The following IGSF21 variants were observed in gnomAD, a reference collection of about 807,000 sequenced individuals.
IGSF21 encodes immunoglobulin superfamily member 21.
Under a neutral mutation model 46.8 loss-of-function variants are expected in IGSF21, and 28 were observed. The ratio of observed to expected loss-of-function variants is 0.60; its 90% CI spans 0.44 to 0.82. The LOEUF (loss-of-function observed/expected upper bound fraction) is 0.82. Ranked by LOEUF, IGSF21 falls within the 40% of genes least tolerant of loss-of-function variation. IGSF21 has a pLI of 0.00. For missense variants in IGSF21, 624 were observed against 665.5 expected (o/e 0.94, Z 0.69); for synonymous variants, 284 against 273.6 (o/e 1.04, Z -0.38).
At chr1:18,361,047 G>A (rs2086095084) in intron 4 of IGSF21, among the ~76,000 whole-genome samples, 1 of 152,132 alleles carries the variant, frequency 6.6e-6, no homozygotes, top group South Asian at 2.1e-4. Flanking sequence ...GGTTGAGTGG[G>A]TGGGAGGGGT....
intron 1 of IGSF21, among the ~76,000 whole-genome samples, chr1:18,130,114 C>T (rs2086304960): frequency 6.6e-6 from 1 of 152,180 alleles, no homozygotes; most frequent in Non-Finnish European, 1.5e-5. Flanking sequence ...CTTGGTCCTA[C>T]CTCTGAGTGA....
intron 1 of IGSF21, among the ~76,000 whole-genome samples, chr1:18,188,141 G>C (rs1045143220): frequency 6.6e-6 from 1 of 152,122 alleles, no homozygotes; most frequent in Non-Finnish European, 1.5e-5. Flanking sequence ...CAAAGTTGTG[G>C]CTTGCTAGGA....
At chr1:18,180,743 A>G (rs959780658) in intron 1 of IGSF21, among the ~76,000 whole-genome samples, 3 of 152,208 alleles carry the variant, frequency 2.0e-5, no homozygotes, top group Admixed American at 6.5e-5. Flanking sequence ...GCACTGTTCT[A>G]TGCATTTTAC....
intron 1 of IGSF21, among the ~76,000 whole-genome samples, chr1:18,169,998 G>T (rs1200039330): frequency 6.6e-6 from 1 of 152,140 alleles, no homozygotes; most frequent in Non-Finnish European, 1.5e-5. Flanking sequence ...GGCCATGAAG[G>T]CCACAGATCT....
chr1:18,146,129 C>T (rs1245122721), intron 1 of IGSF21, among the ~76,000 whole-genome samples: 1 of 152,136 alleles, frequency 6.6e-6, no homozygotes, highest in Non-Finnish European at 1.5e-5. Flanking sequence ...GGATTAAGTG[C>T]CATACTGTAA....
intron 1 of IGSF21, among the ~76,000 whole-genome samples, chr1:18,215,612 G>A (rs1443946560): frequency 6.6e-6 from 1 of 152,200 alleles, no homozygotes; most frequent in Non-Finnish European, 1.5e-5. Context: ...AACGGCAGGT[G>A]CATAGACCCA....
At chr1:18,245,458 G>C (rs1194156666) in intron 2 of IGSF21, among the ~76,000 whole-genome samples, 1 of 152,082 alleles carries the variant, frequency 6.6e-6, no homozygotes, top group Non-Finnish European at 1.5e-5. Context: ...TATTATAAAT[G>C]GGATCTTTTT....
In IGSF21 at chr1:18,288,536, A is replaced by G. The variant is rs183741309; in HGVS notation, c.184-3330A>G. On this transcript the variant is annotated intron_variant, in intron 2 of 9. Coordinates refer to ENST00000251296, the MANE Select transcript of IGSF21 (RefSeq NM_032880.5). ...CCCTGTATGTCTCAGGCGTGGAGAA[A>G]TGTTTCTAGAATTAAAGGCGAGGTG... Among the ~76,000 whole-genome samples the G allele has an allele frequency of 6.7e-4, 102 of 152,286 alleles. No individual in the cohort carries two copies. In the South Asian group the frequency reaches 8.7e-3, roughly 13 times the overall value.
intron 1 of IGSF21, among the ~76,000 whole-genome samples, chr1:18,129,159 G>A (rs1198331988): frequency 1.3e-5 from 2 of 152,146 alleles, no homozygotes. Context: ...CTTATTAGCA[G>A]TATAGCGTTA....
At chr1:18,270,813 A>G (rs2085035766) in intron 2 of IGSF21, among the ~76,000 whole-genome samples, 1 of 151,640 alleles carries the variant, frequency 6.6e-6, no homozygotes, top group South Asian at 2.1e-4. Flanking sequence ...AACTGGTGCC[A>G]TCAAGGCTGT....
rs189850543 is a variant in IGSF21 at position 18,365,002 on chromosome 1, G to A, written c.541-221G>A. On this transcript the variant is annotated intron_variant, in intron 5 of 9. Transcript: ENST00000251296. This position sits in a 1 kb window ranked among gnomAD's most constrained non-coding sequence, Gnocchi z 4.8. ...CATCAGTTGGTAAATGATGGGATTG[G>A]GCTAAGCCTCTGCCCCAAGGGCCTG... 5.6e-3 allele frequency among the ~76,000 whole-genome samples: 849 copies of A among 152,244 alleles called. 5 individuals carry two copies. Among genetic ancestry groups the A allele is most frequent in the South Asian group, 0.011 (55 of 4,824 alleles).
intron 1 of IGSF21, among the ~76,000 whole-genome samples, chr1:18,132,754 T>A (rs562276456): frequency 6.6e-6 from 1 of 152,238 alleles, no homozygotes; most frequent in Non-Finnish European, 1.5e-5. Context: ...GGGGGACCGC[T>A]GCTGGGTTTA....
At chr1:18,278,747 G>C (rs2085129455) in intron 2 of IGSF21, 1 of 447,984 alleles carries the variant, frequency 2.2e-6, no homozygotes, top group African/African-American at 2.0e-5. Flanking sequence ...GTAGAGATGG[G>C]GTTTCACCAT....
At chr1:18,156,398 G>A (rs953385294) in intron 1 of IGSF21, among the ~76,000 whole-genome samples, 1 of 152,214 alleles carries the variant, frequency 6.6e-6, no homozygotes, top group Non-Finnish European at 1.5e-5. Context: ...TCTCTCTGCA[G>A]ATGGAGAAAA....
At chr1:18,258,951 C>T (rs999205386) in intron 2 of IGSF21, among the ~76,000 whole-genome samples, 2 of 152,232 alleles carry the variant, frequency 1.3e-5, no homozygotes, top group African/African-American at 2.4e-5. Context: ...GTGGACAGAA[C>T]CAGGCAAGGA....
At chr1:18,229,481 G>C (rs1260114344) in intron 2 of IGSF21, among the ~76,000 whole-genome samples, 1 of 152,148 alleles carries the variant, frequency 6.6e-6, no homozygotes, top group Non-Finnish European at 1.5e-5. Context: ...TCTGATTCAT[G>C]GTTTGCTTGT....
intron 3 of IGSF21, among the ~76,000 whole-genome samples, chr1:18,320,558 T>C (rs995675329): frequency 3.9e-5 from 6 of 152,224 alleles, no homozygotes; most frequent in South Asian, 2.1e-4. Flanking sequence ...AAAGGCCTCC[T>C]GTGGGGGCCC....
At chr1:18,195,158 C>T (rs1256142887) in intron 1 of IGSF21, among the ~76,000 whole-genome samples, 2 of 152,190 alleles carry the variant, frequency 1.3e-5, no homozygotes, top group East Asian at 3.8e-4. Flanking sequence ...TATCACGCCC[C>T]CACTTCACAG....
At chr1:18,230,191 CTTGAT>C (rs1183957603) in intron 2 of IGSF21, among the ~76,000 whole-genome samples, 1 of 152,190 alleles carries the variant, frequency 6.6e-6, no homozygotes, top group South Asian at 2.1e-4. Flanking sequence ...CATGGCTTGA[CTTGAT>C]GTTCTTGAAG....
Sources: gnomAD v4.1 joint callset for allele counts (sites outside exome capture counted in the v4.1 genomes callset) on GRCh38, gnomAD v4.1.1 for gene constraint, Gnocchi (gnomAD v3.1) non-coding constraint, MANE v1.5 for transcripts, NCBI Gene and HGNC (gene_info 2026-07-23, HGNC 2026-07-21) for gene names.